CREG2: variants seen among roughly 807,000 people sequenced by gnomAD.
The protein encoded by CREG2 is protein CREG2.
CREG2 carries 24 observed loss-of-function variants against 26.2 expected under a neutral mutation model. The ratio of observed to expected loss-of-function variants is 0.92; its 90% confidence interval spans 0.66 to 1.29. CREG2 has a LOEUF of 1.29. Among genes scored for constraint, CREG2 ranks in the 50% most tolerant of loss-of-function variants. The pLI is 0.00. For synonymous variants in CREG2, 174 were observed against 169.2 expected (o/e 1.03, Z -0.22); for missense variants, 366 against 398.6 (o/e 0.92, Z 0.70).
intron 1 of CREG2, among the ~76,000 whole-genome samples, chr2:101,386,004 TA>T (rs1177574481): frequency 6.6e-6 from 1 of 152,250 alleles, no homozygotes; most frequent in Non-Finnish European, 1.5e-5. Flanking sequence ...GAGTGCAAGA[TA>T]CAGCTGTGAA....
chr2:101,369,414 CG>C (rs1684669375), intron 2 of CREG2, among the ~76,000 whole-genome samples: 1 of 152,090 alleles, frequency 6.6e-6, no homozygotes, highest in East Asian at 1.9e-4. Flanking sequence ...GGAGAAGAAG[CG>C]GGGTTCGAGG....
In CREG2 at chr2:101,345,611, G is replaced by C. The variant is rs2104464865; in HGVS notation, c.*5312C>G. On this transcript the variant is annotated 3_prime_UTR_variant, in exon 4 of 4. Transcript: ENST00000324768. ...CATATCAGGAATGAAATAGTCTTTG[G>C]TTAAATAGATCTAGTTTTGAAAACA... The C allele has an allele frequency of 6.6e-6, 1 of 152,230 alleles. No individual in the cohort carries two copies. Among genetic ancestry groups the C allele is most frequent in the East Asian group, 1.9e-4 (1 of 5,174 alleles). 9.4% of individuals were successfully genotyped at this position (152,230 alleles called of 1,614,324 possible). A position where few individuals can be genotyped will look rare whatever the true frequency, so the allele number is the denominator to read the frequency against.
At chr2:101,352,010 T>C (rs750726393) in intron 3 of CREG2, among the ~76,000 whole-genome samples, 1 of 151,552 alleles carries the variant, frequency 6.6e-6, no homozygotes, top group Admixed American at 6.6e-5. Context: ...CTCAGCCTCA[T>C]GAGTAGCGTG....
chr2:101,363,468 T>A (rs1267463379), intron 2 of CREG2, among the ~76,000 whole-genome samples: 1 of 152,250 alleles, frequency 6.6e-6, no homozygotes, highest in Non-Finnish European at 1.5e-5. Context: ...TCACAAGGGA[T>A]GCGTTTTTCT....
chr2:101,367,414 G>A (rs1005394031), intron 2 of CREG2, among the ~76,000 whole-genome samples: 2 of 152,124 alleles, frequency 1.3e-5, no homozygotes, highest in African/African-American at 4.8e-5. Flanking sequence ...ACATGTGTTT[G>A]AGCCATTTTA....
chr2:101,380,553 C>T (rs1684856205), intron 2 of CREG2, among the ~76,000 whole-genome samples: 1 of 152,232 alleles, frequency 6.6e-6, no homozygotes. Flanking sequence ...TTTGTCTTCC[C>T]CCTTGGGATG....
chr2:101,375,005 C>CA (rs1359889396), intron 2 of CREG2, among the ~76,000 whole-genome samples: 1 of 152,192 alleles, frequency 6.6e-6, no homozygotes, highest in African/African-American at 2.4e-5. Context: ...ACCCTCCCCT[C>CA]AGTTACTCTG....
chr2:101,369,318 G>T (rs753604600), intron 2 of CREG2, among the ~76,000 whole-genome samples: 1 of 152,138 alleles, frequency 6.6e-6, no homozygotes, highest in Non-Finnish European at 1.5e-5. Context: ...CAGACTGGGT[G>T]GGGGTGTGAG....
At chr2:101,367,675 C>T (rs1364372315) in intron 2 of CREG2, among the ~76,000 whole-genome samples, 1 of 152,142 alleles carries the variant, frequency 6.6e-6, no homozygotes, top group Non-Finnish European at 1.5e-5. Context: ...GTAACAGGGA[C>T]TTTGCACATG....
chr2:101,365,068 G>C (rs1684599813), intron 2 of CREG2, among the ~76,000 whole-genome samples: 1 of 152,202 alleles, frequency 6.6e-6, no homozygotes, highest in Non-Finnish European at 1.5e-5. Context: ...AACCTGGCTG[G>C]AGAAGCTGGA....
At chr2:101,360,594 C>T (rs1054744882) in intron 2 of CREG2, among the ~76,000 whole-genome samples, 2 of 151,762 alleles carry the variant, frequency 1.3e-5, no homozygotes, top group African/African-American at 4.8e-5. Context: ...AAAAATTAGC[C>T]GGGTGTGGTG....
intron 2 of CREG2, chr2:101,382,507 C>G (rs781385803): frequency 3.9e-5 from 38 of 984,732 alleles, no homozygotes; most frequent in Non-Finnish European, 4.5e-5. Context: ...CTTGACTGAC[C>G]AAGAACAGGG....
chr2:101,378,536 T>C (rs925447824), intron 2 of CREG2, among the ~76,000 whole-genome samples: 3 of 152,202 alleles, frequency 2.0e-5, no homozygotes, highest in African/African-American at 7.2e-5. Flanking sequence ...TAGAAATCTA[T>C]ATATCAAATC....
At chr2:101,355,546 C>A (rs1418333320) in intron 2 of CREG2, among the ~76,000 whole-genome samples, 180 bp from the exon 3 acceptor site, 2 of 152,078 alleles carry the variant, frequency 1.3e-5, no homozygotes, top group African/African-American at 2.4e-5. Context: ...AATACTCAGG[C>A]CTTGCAATAG....
rs62154042 is a variant in CREG2, at chr2:101,346,623, C to G, written c.*4300G>C. The G allele has an allele frequency of 1.3e-5, 2 of 152,094 alleles. No individual in the cohort carries two copies. The highest frequency in any genetic ancestry group is 2.9e-5 in the Non-Finnish European group (2 of 68,026). The allele number at this position is 152,094 out of a possible 1,614,324, so 9.4% of individuals were successfully genotyped here. On this transcript the variant is annotated 3_prime_UTR_variant, in exon 4 of 4. Transcript: ENST00000324768. Reference sequence around the variant, plus strand: ...TAACGGTTAACAAATGAAATGCTGTCTCTTTGTACTAGGTTTTGGCTTATA... The same window carrying G: ...TAACGGTTAACAAATGAAATGCTGTGTCTTTGTACTAGGTTTTGGCTTATA...
chr2:101,351,428 G>T (rs574591553), intron 3 of CREG2, among the ~76,000 whole-genome samples: 1 of 152,232 alleles, frequency 6.6e-6, no homozygotes, highest in Non-Finnish European at 1.5e-5. Context: ...GCTGTGTGGG[G>T]AAGCAGGCAA....
At position 101,383,603 on chromosome 2, in the gene CREG2, C is replaced by T. The variant is rs536162719; in HGVS notation, c.541G>A (p.Val181Met). The T allele has an allele frequency of 4.0e-5, 64 of 1,614,192 alleles. No individual in the cohort carries two copies. Among genetic ancestry groups the T allele is most frequent in the Non-Finnish European group, 5.0e-5 (59 of 1,180,038 alleles). Residue 181 changes from valine to methionine, a missense_variant, in exon 2 of 4, where the codon GTG (valine) becomes ATG (methionine). Around this residue, in one of 3 missense-constraint regions of CREG2, gnomAD observed 174 missense variants for 178.2 expected, o/e 0.98. Coordinates refer to ENST00000324768, the MANE Select transcript of CREG2 (RefSeq NM_153836.4). Reference protein sequence around the residue: ...PFFYMTAKDPVVADLMKNPMA... With the variant: ...PFFYMTAKDPMVADLMKNPMA... The stretch of plus-strand genomic sequence containing the variant: ...GGGTTCTTCATCAGATCAGCCACCA[C>T]GGGGTCCTTGGCTGTCATGTAGAAG...
At chr2:101,353,388 G>C (rs1402253740) in intron 3 of CREG2, among the ~76,000 whole-genome samples, 1 of 152,222 alleles carries the variant, frequency 6.6e-6, no homozygotes, top group Non-Finnish European at 1.5e-5. Flanking sequence ...CTGGTCATTA[G>C]AGAAATGCAA....
rs1307543157 is a variant in CREG2, at chr2:101,347,234, C to T, written c.*3689G>A. 6.6e-6 allele frequency: 1 copy of T among 152,206 alleles called. No individual in the cohort carries two copies. Among genetic ancestry groups the T allele is most frequent in the South Asian group, 2.1e-4 (1 of 4,828 alleles). 9.4% of individuals were successfully genotyped at this position (152,206 alleles called of 1,614,324 possible). ...TCACCAGCCACCCGTTAAAGGCCAT[C>T]TGATTTCTCCAAGTTTTTGAACATT... On this transcript the variant is annotated 3_prime_UTR_variant, in exon 4 of 4. Coordinates refer to ENST00000324768, the MANE Select transcript of CREG2 (RefSeq NM_153836.4).
Sources: gnomAD v4.1 joint callset for allele counts (sites outside exome capture counted in the v4.1 genomes callset) on GRCh38, gnomAD v4.1.1 for gene constraint, gnomAD v4.1.1 regional missense constraint, MANE v1.5 for transcripts, NCBI Gene and HGNC (gene_info 2026-07-23, HGNC 2026-07-21) for gene names.